TIMP2: variants seen among roughly 807,000 people sequenced by gnomAD.
TIMP2 encodes the protein metalloproteinase inhibitor 2.
TIMP2 carries 5 observed loss-of-function variants against 24.3 expected under a neutral mutation model. That is an observed-to-expected ratio of 0.21 (90% CI 0.11 to 0.43). The LOEUF (loss-of-function observed/expected upper bound fraction) is 0.43, where lower values mean the gene tolerates loss of function less well. Ranked by LOEUF, TIMP2 falls within the 20% of genes least tolerant of loss-of-function variation. TIMP2 has a pLI of 1.00. For synonymous variants in TIMP2, 130 were observed against 123.2 expected (o/e 1.06, Z -0.37); for missense variants, 221 against 297.5 (o/e 0.74, Z 1.89).
intron 1 of TIMP2, among the ~76,000 whole-genome samples, chr17:78,909,029 C>T (rs150276965): frequency 1.3e-5 from 2 of 152,226 alleles, no homozygotes; most frequent in African/African-American, 4.8e-5. Context: ...CATGTGTGTG[C>T]GTGTCCATCT....
rs533954466 is a variant in TIMP2 at position 78,881,419 on chromosome 17, G to A, written c.131-7500C>T. Among the ~76,000 whole-genome samples, 163 of 152,356 alleles carry A rather than the reference G, an allele frequency of 1.1e-3. 1 individual carries two copies. Among genetic ancestry groups the A allele is most frequent in the African/African-American group, 3.7e-3 (154 of 41,576 alleles). ...CCCTACTGGCCCACATCACTAGTGG[G>A]TGGGGGGCATTCTGATGCTGCAGCT... is the stretch of plus-strand genomic sequence containing the variant. On this transcript the variant is annotated intron_variant, in intron 1 of 4. Transcript: ENST00000262768.
intron 3 of TIMP2, among the ~76,000 whole-genome samples, chr17:78,865,250 G>C (rs1208985322): frequency 6.6e-6 from 1 of 152,060 alleles, no homozygotes; most frequent in Non-Finnish European, 1.5e-5. Context: ...GGGAATTATT[G>C]GTTAATGGGG....
chr17:78,891,858 G>A lies in TIMP2; in HGVS notation c.131-17939C>T, dbSNP rs1480081758. On this transcript the variant is annotated intron_variant, in intron 1 of 4. Coordinates refer to ENST00000262768, the MANE Select transcript of TIMP2 (RefSeq NM_003255.5). The surrounding 1 kb of genome is among the most constrained non-coding windows in gnomAD (Gnocchi z 4.5). Reference sequence around the variant, plus strand: ...TTTCTCTTCTCAGGCGGGGCCAGGTGAGAATTCATCCGACCCGTGGCTTTT... The same window carrying A: ...TTTCTCTTCTCAGGCGGGGCCAGGTAAGAATTCATCCGACCCGTGGCTTTT... 18 of 1,550,576 alleles carry A rather than the reference G, an allele frequency of 1.2e-5. No homozygotes were observed. The highest frequency in any genetic ancestry group is 7.3e-5 in the East Asian group (3 of 40,932).
intron 1 of TIMP2, among the ~76,000 whole-genome samples, chr17:78,880,400 T>G (rs1343883406): frequency 6.6e-6 from 1 of 151,964 alleles, no homozygotes; most frequent in Non-Finnish European, 1.5e-5. Context: ...GAAAATTGCC[T>G]CGAAAGGCCG....
chr17:78,891,651 C>T lies in TIMP2; in HGVS notation c.131-17732G>A, dbSNP rs750981274. 3 of 1,551,016 alleles carry T rather than the reference C, an allele frequency of 1.9e-6. No homozygotes were observed. The South Asian group carries it at 3.6e-5, about 18-fold the overall frequency. ...GTCAGGGCTGGAACAAAGCAAACTGCCCCCTTTCCCAGTTGCCTCCTCCCC... is the reference window on the plus strand; with the variant it reads ...GTCAGGGCTGGAACAAAGCAAACTGTCCCCTTTCCCAGTTGCCTCCTCCCC... On this transcript the variant is annotated intron_variant, in intron 1 of 4. Transcript: ENST00000262768. The surrounding 1 kb of genome is among the most constrained non-coding windows in gnomAD (Gnocchi z 4.5).
rs770428837 is a variant in TIMP2 at position 78,902,456 on chromosome 17, G to A, written c.130+22503C>T. On this transcript the variant is annotated intron_variant, in intron 1 of 4. Coordinates refer to ENST00000262768, the MANE Select transcript of TIMP2 (RefSeq NM_003255.5). Reference sequence around the variant, plus strand: ...TGTTAGCATCACCTGGGGCAGGGGTGGGTCACGTTAGAATGAGTCCTGGCT... The same window carrying A: ...TGTTAGCATCACCTGGGGCAGGGGTAGGTCACGTTAGAATGAGTCCTGGCT... Among the ~76,000 whole-genome samples, 93 of 152,316 alleles carry A rather than the reference G, an allele frequency of 6.1e-4. 1 individual carries two copies. Among genetic ancestry groups the A allele is most frequent in the Middle Eastern group, 3.4e-3 (1 of 294 alleles).
intron 2 of TIMP2, 91 bp downstream of exon 2, chr17:78,873,728 A>G: frequency 9.8e-7 from 1 of 1,018,494 alleles, no homozygotes; most frequent in African/African-American, 1.6e-5. Flanking sequence ...AGGTGGCCAG[A>G]TCGTGTTCCA....
chr17:78,874,323 T>TG, intron 1 of TIMP2, among the ~76,000 whole-genome samples: 1 of 152,044 alleles, frequency 6.6e-6, no homozygotes, highest in South Asian at 2.1e-4. Context: ...TACTCACTGG[T>TG]GGCTGGGGCA....
intron 1 of TIMP2, chr17:78,897,068 G>A (rs1328364556): frequency 6.6e-6 from 6 of 913,114 alleles, no homozygotes; most frequent in Non-Finnish European, 5.2e-6. Context: ...CCCAGGCAGC[G>A]TGGAAGTGCC....
At position 78,870,941 on chromosome 17, in the gene TIMP2, C is replaced by T; in HGVS notation, c.297G>A (p.Gly99=). The change falls in exon 3 of 5, where the codon GGG becomes GGA. Residue 99 remains glycine, a synonymous_variant. Coordinates refer to ENST00000262768, the MANE Select transcript of TIMP2 (RefSeq NM_003255.5). ...IYTAPSSAVC[G]VSLDVGGKKE... is the part of the protein sequence containing the mutation. Reference sequence around the variant, plus strand: ...TCTTTCCTCCAACGTCCAGCGAGACCCCACACACTGCCGAGGAGGGGGCCG... The same window carrying T: ...TCTTTCCTCCAACGTCCAGCGAGACTCCACACACTGCCGAGGAGGGGGCCG... 1.2e-6 allele frequency: 2 copies of T among 1,613,958 alleles called. No homozygotes were observed. The highest frequency in any genetic ancestry group is 1.7e-4 in the Middle Eastern group (1 of 6,060).
At chr17:78,892,215 C>T (rs200433758) in intron 1 of TIMP2, 2 of 1,551,060 alleles carry the variant, frequency 1.3e-6, no homozygotes, top group African/African-American at 1.4e-5. Context: ...TTGGCATCCG[C>T]TCTTCTCTGC....
intron 1 of TIMP2, among the ~76,000 whole-genome samples, chr17:78,883,872 C>T (rs2069801244): frequency 6.6e-6 from 1 of 152,206 alleles, no homozygotes; most frequent in Non-Finnish European, 1.5e-5. Flanking sequence ...ACCTCGGGGC[C>T]CACGTCCCGC....
At chr17:78,890,779 CGAT>C in intron 1 of TIMP2, 1 of 1,550,586 alleles carries the variant, frequency 6.4e-7, no homozygotes, top group Non-Finnish European at 8.7e-7. Flanking sequence ...GGCTGGTGCC[CGAT>C]GGGGAAGTGG....
intron 1 of TIMP2, among the ~76,000 whole-genome samples, chr17:78,916,336 C>T (rs112465406): frequency 6.6e-6 from 1 of 152,176 alleles, no homozygotes; most frequent in African/African-American, 2.4e-5. Flanking sequence ...TCCCTTCCCC[C>T]TCAATGCTCC....
At chr17:78,868,586 T>C (rs2069639430) in intron 3 of TIMP2, among the ~76,000 whole-genome samples, 1 of 152,148 alleles carries the variant, frequency 6.6e-6, no homozygotes, top group Non-Finnish European at 1.5e-5. Context: ...TGTGATCAGA[T>C]TCCTACTTCC....
chr17:78,862,161 C>T (rs930958458), intron 3 of TIMP2, among the ~76,000 whole-genome samples: 10 of 152,164 alleles, frequency 6.6e-5, no homozygotes, highest in African/African-American at 1.2e-4. Context: ...TCCTGGTGCC[C>T]GACTCGACAC....
At chr17:78,905,405 T>C (rs1156927257) in intron 1 of TIMP2, among the ~76,000 whole-genome samples, 1 of 152,214 alleles carries the variant, frequency 6.6e-6, no homozygotes, top group Non-Finnish European at 1.5e-5. Flanking sequence ...AGCCTATTGG[T>C]TCTGTTTCTC....
chr17:78,900,046 T>G (rs1178704460), intron 1 of TIMP2: 1 of 152,152 alleles, frequency 6.6e-6, no homozygotes, highest in Non-Finnish European at 1.5e-5. Context: ...TTGACCTTCT[T>G]TGGGGGAAAT....
At position 78,924,280 on chromosome 17, in the gene TIMP2, T is replaced by C. The variant is rs1253391454; in HGVS notation, c.130+679A>G. The stretch of plus-strand genomic sequence containing the variant: ...CGGTCACCAAAGTCTCCAGCTTTTG[T>C]GGACGTCCCGAAAAAGCGGAACATT... On this transcript the variant is annotated intron_variant, in intron 1 of 4. Transcript: ENST00000262768. The surrounding 1 kb of genome is among the most constrained non-coding windows in gnomAD (Gnocchi z 5.3). 1.3e-5 allele frequency among the ~76,000 whole-genome samples: 2 copies of C among 152,238 alleles called. No homozygotes were observed. The highest frequency in any genetic ancestry group is 2.9e-5 in the Non-Finnish European group (2 of 68,042).
Sources: gnomAD v4.1 joint callset for allele counts (sites outside exome capture counted in the v4.1 genomes callset) on GRCh38, gnomAD v4.1.1 for gene constraint, Gnocchi (gnomAD v3.1) non-coding constraint, MANE v1.5 for transcripts, NCBI Gene and HGNC (gene_info 2026-07-23, HGNC 2026-07-21) for gene names.